Variants in GULP1 observed in about 807,000 individuals in gnomAD.
GULP1 encodes GULP PTB domain containing engulfment adaptor 1, also known as PTB domain-containing engulfment adapter protein 1.
In GULP1, 19 loss-of-function variants were observed where a neutral mutation model predicts 40.9. The ratio of observed to expected loss-of-function variants is 0.46; its 90% confidence interval spans 0.32 to 0.68. The LOEUF (loss-of-function observed/expected upper bound fraction) is 0.68, where lower values mean the gene tolerates loss of function less well. Among genes scored for constraint, GULP1 ranks in the 30% least tolerant of loss-of-function variants. The pLI, the probability that GULP1 is intolerant of heterozygous loss-of-function variation, is 0.03. For synonymous variants in GULP1, 119 were observed against 117.6 expected (o/e 1.01, Z -0.08); for missense variants, 312 against 362.2 (o/e 0.86, Z 1.12).
intron 2 of GULP1, among the ~76,000 whole-genome samples, chr2:188,392,380 T>C (rs113337258): frequency 1.3e-5 from 2 of 152,234 alleles, no homozygotes; most frequent in African/African-American, 4.8e-5. Flanking sequence ...CTTCCTAGTT[T>C]GTGTGCATAG....
intron 1 of GULP1, among the ~76,000 whole-genome samples, chr2:188,377,236 A>G (rs2048413443): frequency 6.6e-6 from 1 of 152,164 alleles, no homozygotes; most frequent in Non-Finnish European, 1.5e-5. Context: ...GATATGTACT[A>G]TGGTTTTATT....
In GULP1 at chr2:188,537,445, A is replaced by G. The variant is rs142597932; in HGVS notation, c.262-3736A>G. Among the ~76,000 whole-genome samples the G allele has an allele frequency of 9.2e-4, 140 of 152,128 alleles. 2 individuals carry two copies. In the East Asian group the frequency reaches 0.022, roughly 24 times the overall value. On this transcript the variant is annotated intron_variant, in intron 6 of 11. Coordinates refer to ENST00000409830, the MANE Select transcript of GULP1 (RefSeq NM_016315.4). ...TTTCGACTTCTGTTGATATGATCAT[A>G]TGGTTTTTGTTCTTAATTCTGTTTT... is the stretch of plus-strand genomic sequence containing the variant.
At chr2:188,301,494 A>T (rs945249052) in intron 1 of GULP1, among the ~76,000 whole-genome samples, 1 of 152,160 alleles carries the variant, frequency 6.6e-6, no homozygotes, top group Admixed American at 6.5e-5. Flanking sequence ...TAGTCCACTA[A>T]AATCTATTCC....
intron 2 of GULP1, among the ~76,000 whole-genome samples, chr2:188,413,282 T>G (rs2054155747): frequency 6.6e-6 from 1 of 152,198 alleles, no homozygotes; most frequent in Non-Finnish European, 1.5e-5. Flanking sequence ...TCTTCCACAA[T>G]GGTTGAACTA....
intron 1 of GULP1, among the ~76,000 whole-genome samples, chr2:188,354,895 T>C (rs1382311634): frequency 6.6e-6 from 1 of 152,094 alleles, no homozygotes; most frequent in Non-Finnish European, 1.5e-5. Context: ...TAACAAGAAC[T>C]TTCAAAACTG....
At position 188,375,274 on chromosome 2, in the gene GULP1, G is replaced by C. The variant is rs553535449; in HGVS notation, c.-171-8489G>C. On this transcript the variant is annotated intron_variant, in intron 1 of 11. Transcript: ENST00000409830. ...TAATGTAGAATACAGACAAGTATTA[G>C]TAAAGCTCCCGACCGCTGCATCCTG... Among the ~76,000 whole-genome samples, 6 of 152,336 alleles carry C rather than the reference G, an allele frequency of 3.9e-5. No individual in the cohort carries two copies. The South Asian group carries it at 1.0e-3, about 26-fold the overall frequency.
At chr2:188,545,707 T>A (rs1424208083) in intron 7 of GULP1, among the ~76,000 whole-genome samples, 1 of 151,842 alleles carries the variant, frequency 6.6e-6, no homozygotes, top group Non-Finnish European at 1.5e-5. Flanking sequence ...AAAGATTAAA[T>A]AATGTACTTA....
chr2:188,316,503 T>A (rs2039095577), intron 1 of GULP1, among the ~76,000 whole-genome samples: 1 of 152,120 alleles, frequency 6.6e-6, no homozygotes. Flanking sequence ...ACTTGGGAAG[T>A]CCCACATGGT....
chr2:188,558,420 C>G (rs1397946955), intron 7 of GULP1, among the ~76,000 whole-genome samples: 1 of 152,162 alleles, frequency 6.6e-6, no homozygotes, highest in Non-Finnish European at 1.5e-5. Context: ...ATTCTGAGGC[C>G]TCCACAGCCA....
At chr2:188,383,428 T>C (rs989732106) in intron 1 of GULP1, among the ~76,000 whole-genome samples, 10 of 152,170 alleles carry the variant, frequency 6.6e-5, no homozygotes, top group Non-Finnish European at 1.5e-4. Flanking sequence ...ATAAATCATA[T>C]GTGAAAGAGA....
At chr2:188,373,868 G>T (rs2047943768) in intron 1 of GULP1, among the ~76,000 whole-genome samples, 1 of 151,912 alleles carries the variant, frequency 6.6e-6, no homozygotes, top group Non-Finnish European at 1.5e-5. Context: ...ATTAGGAAGT[G>T]CTCAATATCA....
chr2:188,468,642 G>C (rs1309451082), intron 2 of GULP1, among the ~76,000 whole-genome samples: 1 of 152,186 alleles, frequency 6.6e-6, no homozygotes, highest in Non-Finnish European at 1.5e-5. Context: ...ATTAGTGTGA[G>C]AGAATGAGAA....
intron 1 of GULP1, among the ~76,000 whole-genome samples, chr2:188,313,748 A>G (rs2038594190): frequency 6.6e-6 from 1 of 152,116 alleles, no homozygotes; most frequent in Admixed American, 6.6e-5. Flanking sequence ...ATCCATGAGG[A>G]TGGAATGTTT....
At chr2:188,340,083 A>G (rs2042761858) in intron 1 of GULP1, among the ~76,000 whole-genome samples, 2 of 152,310 alleles carry the variant, frequency 1.3e-5, no homozygotes, top group South Asian at 4.1e-4. Flanking sequence ...AGAATCTAAG[A>G]GAGGGGATGG....
At chr2:188,404,905 G>A (rs1486134505) in intron 2 of GULP1, among the ~76,000 whole-genome samples, 1 of 152,038 alleles carries the variant, frequency 6.6e-6, no homozygotes, top group African/African-American at 2.4e-5. Flanking sequence ...GACCTCAGGT[G>A]CTAGGCTTTC....
intron 7 of GULP1, among the ~76,000 whole-genome samples, chr2:188,558,473 C>T (rs1695408430): frequency 6.6e-6 from 1 of 152,182 alleles, no homozygotes; most frequent in Non-Finnish European, 1.5e-5. Context: ...TCTTCCCAGT[C>T]TCAGGTATGT....
At chr2:188,440,376 G>A (rs929724159) in intron 2 of GULP1, among the ~76,000 whole-genome samples, 1 of 152,120 alleles carries the variant, frequency 6.6e-6, no homozygotes, top group East Asian at 1.9e-4. Flanking sequence ...AGTTACCAAT[G>A]GGGAATACCT....
intron 2 of GULP1, among the ~76,000 whole-genome samples, chr2:188,441,182 G>A (rs777732012): frequency 5.9e-5 from 9 of 152,066 alleles, no homozygotes; most frequent in Non-Finnish European, 1.0e-4. Flanking sequence ...CAAAATACTC[G>A]CCCTTATGTT....
intron 2 of GULP1, among the ~76,000 whole-genome samples, chr2:188,425,138 C>G (rs76632485): frequency 0.026 from 3,897 of 152,126 alleles, 120 homozygotes; most frequent in East Asian, 0.13. Context: ...AACATCACCA[C>G]TGCCCATCAC....
Sources: gnomAD v4.1 joint callset for allele counts (sites outside exome capture counted in the v4.1 genomes callset) on GRCh38, gnomAD v4.1.1 for gene constraint, MANE v1.5 for transcripts, NCBI Gene and HGNC (gene_info 2026-07-23, HGNC 2026-07-21) for gene names.